Variants in ZNF609 observed in about 807,000 individuals in gnomAD.
ZNF609 encodes the protein zinc finger protein 609.
Under a neutral mutation model 109.5 loss-of-function variants are expected in ZNF609, and 11 were observed. The ratio of observed to expected loss-of-function variants is 0.10; its 90% CI spans 0.06 to 0.17. The LOEUF (loss-of-function observed/expected upper bound fraction) is 0.17, where lower values mean the gene tolerates loss of function less well. Ranked by LOEUF, ZNF609 falls within the 10% of genes least tolerant of loss-of-function variation. The pLI is 1.00. For synonymous variants in ZNF609, 646 were observed against 662.0 expected, an observed-to-expected ratio of 0.98 and a Z score of 0.37; for missense variants, 1,559 against 1,772.4, an observed-to-expected ratio of 0.88 and a Z score of 2.16.
intron 3 of ZNF609, among the ~76,000 whole-genome samples, chr15:64,653,366 C>A (rs1240102440): frequency 6.6e-6 from 1 of 151,880 alleles, no homozygotes; most frequent in African/African-American, 2.4e-5. Context: ...CTGGAAGCGC[C>A]AGGCGCAGTG....
intron 4 of ZNF609, among the ~76,000 whole-genome samples, chr15:64,671,878 A>G (rs1020003754): frequency 6.6e-6 from 1 of 152,180 alleles, no homozygotes; most frequent in African/African-American, 2.4e-5. Flanking sequence ...AAATGTCCCA[A>G]GGAAAGGTAT....
intron 2 of ZNF609, among the ~76,000 whole-genome samples, chr15:64,560,496 A>C (rs902228390): frequency 6.6e-6 from 1 of 151,982 alleles, no homozygotes; most frequent in African/African-American, 2.4e-5. Context: ...CCTGAAATCG[A>C]AATATTCTTT....
chr15:64,606,573 A>C (rs954961437), intron 2 of ZNF609, among the ~76,000 whole-genome samples: 32 of 151,588 alleles, frequency 2.1e-4, no homozygotes, highest in African/African-American at 7.3e-4. Context: ...AAAAAAAAAA[A>C]AAAACAGAAA....
intron 2 of ZNF609, among the ~76,000 whole-genome samples, chr15:64,580,079 G>C (rs866874107): frequency 3.9e-5 from 6 of 152,152 alleles, no homozygotes; most frequent in Middle Eastern, 3.2e-3. Context: ...AATCACAAGG[G>C]TTCTTGTAAG....
At position 64,675,535 on chromosome 15, in the gene ZNF609, G is replaced by A. The variant is rs368870204; in HGVS notation, c.2681G>A (p.Gly894Asp). ...AGCAAAGACTCACCATATTACCAAG[G>A]CTTTGAGAGTTACTATTCTCCAAGT... The part of the protein sequence containing the change: ...PQSKDSPYYQ[G>D]FESYYSPSYA... Residue 894 changes from glycine to aspartate, a missense_variant, in exon 5 of 10, where the codon GGC (glycine) becomes GAC (aspartate). This residue lies in a region of ZNF609 where 1,204 missense variants were observed against 1,314.1 expected (regional missense o/e 0.92). Coordinates refer to ENST00000326648, the MANE Select transcript of ZNF609 (RefSeq NM_015042.2). 41 of 1,614,070 alleles carry A rather than the reference G, an allele frequency of 2.5e-5. No homozygotes were observed. Among genetic ancestry groups the A allele is most frequent in the Non-Finnish European group, 3.1e-5 (36 of 1,180,056 alleles).
At chr15:64,573,342 C>CTTTTT (rs1156864847) in intron 2 of ZNF609, among the ~76,000 whole-genome samples, 16 of 53,654 alleles carry the variant, frequency 3.0e-4, no homozygotes, top group Non-Finnish European at 4.8e-4. Flanking sequence ...AGTGGCCCAA[C>CTTTTT]TTTCTTTTTT....
chr15:64,666,543 G>A (rs995730908), intron 3 of ZNF609, among the ~76,000 whole-genome samples: 2 of 151,108 alleles, frequency 1.3e-5, no homozygotes, highest in African/African-American at 4.9e-5. Flanking sequence ...TTGCTCTGTC[G>A]CCGAGGCTGG....
At chr15:64,601,604 C>T (rs1161850561) in intron 2 of ZNF609, among the ~76,000 whole-genome samples, 1 of 152,138 alleles carries the variant, frequency 6.6e-6, no homozygotes, top group African/African-American at 2.4e-5. Context: ...GACATAGCAC[C>T]TTGAGTTTTA....
chr15:64,669,723 A>G (rs1896699085), intron 3 of ZNF609, among the ~76,000 whole-genome samples: 1 of 151,920 alleles, frequency 6.6e-6, no homozygotes, highest in African/African-American at 2.4e-5. Flanking sequence ...GCTGGAGTGC[A>G]GTGGCGCAAT....
intron 2 of ZNF609, among the ~76,000 whole-genome samples, chr15:64,539,089 C>T (rs1052236854): frequency 4.6e-5 from 7 of 151,884 alleles, no homozygotes; most frequent in Non-Finnish European, 8.8e-5. Context: ...CTGCAACCTC[C>T]GCCTCCCAGG....
chr15:64,493,051 A>G (rs1313889849), intron 1 of ZNF609, among the ~76,000 whole-genome samples: 1 of 152,230 alleles, frequency 6.6e-6, no homozygotes, highest in Non-Finnish European at 1.5e-5. Context: ...CAAAATCCAT[A>G]AGAAAAAGAG....
intron 3 of ZNF609, among the ~76,000 whole-genome samples, chr15:64,646,485 T>C (rs190342664): frequency 5.0e-4 from 71 of 141,554 alleles, no homozygotes; most frequent in Admixed American, 2.5e-3. Flanking sequence ...ACAAAAAAAA[T>C]TAGCCAAGTT....
At chr15:64,606,589 T>C (rs1435988313) in intron 2 of ZNF609, among the ~76,000 whole-genome samples, 2 of 151,574 alleles carry the variant, frequency 1.3e-5, no homozygotes, top group African/African-American at 4.8e-5. Flanking sequence ...AGAAAAACTT[T>C]TTATAGAAAC....
intron 2 of ZNF609, among the ~76,000 whole-genome samples, chr15:64,503,887 A>C (rs768723044): frequency 1.3e-5 from 2 of 152,206 alleles, no homozygotes; most frequent in South Asian, 4.1e-4. Flanking sequence ...GCATGCTATC[A>C]TATCCTGTGT....
At chr15:64,486,524 CAAAAAAAAA>C (rs35701301) in intron 1 of ZNF609, among the ~76,000 whole-genome samples, 2 of 113,074 alleles carry the variant, frequency 1.8e-5, no homozygotes, top group African/African-American at 6.6e-5. Context: ...ACTCTGTCTC[CAAAAAAAAA>C]AAAAAAAAAT....
chr15:64,537,784 C>T (rs760974126), intron 2 of ZNF609, among the ~76,000 whole-genome samples: 1 of 152,120 alleles, frequency 6.6e-6, no homozygotes, highest in Non-Finnish European at 1.5e-5. Context: ...CTTAGGGGCA[C>T]TATCTTCTTC....
At chr15:64,531,983 A>G (rs1302876799) in intron 2 of ZNF609, among the ~76,000 whole-genome samples, 1 of 152,148 alleles carries the variant, frequency 6.6e-6, no homozygotes, top group Non-Finnish European at 1.5e-5. Flanking sequence ...GAAAAAGTCA[A>G]TGATCCACAT....
At chr15:64,655,587 G>T (rs922440606) in intron 3 of ZNF609, among the ~76,000 whole-genome samples, 10 of 152,172 alleles carry the variant, frequency 6.6e-5, no homozygotes, top group African/African-American at 2.4e-4. Flanking sequence ...AGCACTTTGG[G>T]AGGCCAAGGC....
intron 3 of ZNF609, among the ~76,000 whole-genome samples, chr15:64,656,265 T>G (rs1896486137): frequency 6.6e-6 from 1 of 152,172 alleles, no homozygotes; most frequent in East Asian, 1.9e-4. Context: ...GGTTTTACCA[T>G]GTTGCCCAGG....
Sources: gnomAD v4.1 joint callset for allele counts (sites outside exome capture counted in the v4.1 genomes callset) on GRCh38, gnomAD v4.1.1 for gene constraint, gnomAD v4.1.1 regional missense constraint, MANE v1.5 for transcripts, NCBI Gene and HGNC (gene_info 2026-07-23, HGNC 2026-07-21) for gene names.